OXR1: variants seen among roughly 807,000 people sequenced by gnomAD.
The protein encoded by OXR1 is oxidation resistance 1.
OXR1 carries 41 observed loss-of-function variants against 104.6 expected under a neutral mutation model. The observed-to-expected ratio is 0.39, with a 90% CI of 0.31 to 0.51. OXR1 has a LOEUF of 0.51. Ranked by LOEUF, OXR1 falls within the 20% of genes least tolerant of loss-of-function variation. The pLI, the probability that OXR1 is intolerant of heterozygous loss-of-function variation, is 0.77. For synonymous variants in OXR1, 348 were observed against 348.4 expected (o/e 1.00, Z 0.01); for missense variants, 955 against 1,031.9 (o/e 0.93, Z 1.02).
chr8:106,687,884 G>A (rs1487162467), intron 6 of OXR1, among the ~76,000 whole-genome samples: 1 of 152,112 alleles, frequency 6.6e-6, no homozygotes, highest in Non-Finnish European at 1.5e-5. Flanking sequence ...GATGGGCTTG[G>A]TTCGGAGCCC....
rs186716615 is a variant in OXR1 at position 106,390,576 on chromosome 8, C to T, written c.23+30940C>T. 1.4e-3 allele frequency among the ~76,000 whole-genome samples: 216 copies of T among 152,286 alleles called. 1 individual carries two copies. Among genetic ancestry groups the T allele is most frequent in the African/African-American group, 5.0e-3 (209 of 41,544 alleles). On this transcript the variant is annotated intron_variant, in intron 2 of 16. Coordinates refer to ENST00000517566, the MANE Select transcript of OXR1 (RefSeq NM_001198533.2). Reference sequence around the variant, plus strand: ...GAAAGTATCAGAACAACGCTTCAAACCCAGGCAACTTGGCTTTAGTTGCAG... The same window carrying T: ...GAAAGTATCAGAACAACGCTTCAAATCCAGGCAACTTGGCTTTAGTTGCAG...
intron 1 of OXR1, among the ~76,000 whole-genome samples, chr8:106,334,286 A>G (rs1202590811): frequency 1.3e-5 from 2 of 152,182 alleles, no homozygotes; most frequent in African/African-American, 4.8e-5. Flanking sequence ...TGGAAATACA[A>G]CTGAACTTTG....
intron 2 of OXR1, among the ~76,000 whole-genome samples, chr8:106,380,961 T>C (rs2130408150): frequency 6.6e-6 from 1 of 152,262 alleles, no homozygotes; most frequent in Non-Finnish European, 1.5e-5. Flanking sequence ...GATAAAAATA[T>C]TAATTTTCTT....
At chr8:106,460,600 A>T (rs1390472021) in intron 2 of OXR1, among the ~76,000 whole-genome samples, 1 of 152,196 alleles carries the variant, frequency 6.6e-6, no homozygotes, top group Non-Finnish European at 1.5e-5. Flanking sequence ...AACCAGGTTC[A>T]CTGCTGGTGA....
intron 3 of OXR1, among the ~76,000 whole-genome samples, chr8:106,538,838 G>A (rs180948353): frequency 6.2e-4 from 95 of 152,110 alleles, no homozygotes; most frequent in African/African-American, 2.3e-3. Context: ...TTCAACGTGG[G>A]GAAAAGGAAA....
intron 2 of OXR1, among the ~76,000 whole-genome samples, chr8:106,390,461 G>A (rs11986170): frequency 6.6e-6 from 1 of 151,922 alleles, no homozygotes; most frequent in African/African-American, 2.4e-5. Flanking sequence ...TCATAACACC[G>A]TTAAGAGATG....
At chr8:106,354,454 T>G (rs1400310732) in intron 1 of OXR1, among the ~76,000 whole-genome samples, 1 of 152,172 alleles carries the variant, frequency 6.6e-6, no homozygotes, top group African/African-American at 2.4e-5. Context: ...CCTCATTACC[T>G]GCACAGTACA....
chr8:106,338,351 G>A (rs1221387390), intron 1 of OXR1, among the ~76,000 whole-genome samples: 3 of 151,940 alleles, frequency 2.0e-5, no homozygotes, highest in Admixed American at 1.3e-4. Flanking sequence ...CGGGGTGGGC[G>A]GATCACCTGA....
chr8:106,708,256 C>T (rs1284927495), intron 9 of OXR1, among the ~76,000 whole-genome samples: 1 of 151,924 alleles, frequency 6.6e-6, no homozygotes, highest in Non-Finnish European at 1.5e-5. Flanking sequence ...ATTCGTCAGA[C>T]ATGGTGATGG....
At position 106,692,736 on chromosome 8, in the gene OXR1, T is replaced by C. The variant is rs936571567; in HGVS notation, c.534T>C (p.Asp178=). The stretch of plus-strand genomic sequence containing the variant: ...TTAAAAAAAAAAAAAAGAATCCTGA[T>C]GTCCATCCAACAGAAGCAACTCCCT... ...EAEFDKTTNP[D]VHPTEATPSS... Residue 178 remains aspartate (D), a synonymous_variant, in exon 7 of 17, where the codon GAT becomes GAC. Coordinates refer to ENST00000517566, the MANE Select transcript of OXR1 (RefSeq NM_001198533.2). 11 of 1,468,084 alleles carry C rather than the reference T, an allele frequency of 7.5e-6. No individual in the cohort carries two copies. The highest frequency in any genetic ancestry group is 1.4e-5 in the African/African-American group (1 of 69,632). 90.9% of individuals were successfully genotyped at this position (1,468,084 alleles called of 1,614,324 possible). A position where few individuals can be genotyped will look rare whatever the true frequency, so the allele number is the denominator to read the frequency against.
At chr8:106,384,629 C>A (rs950794472) in intron 2 of OXR1, among the ~76,000 whole-genome samples, 2 of 152,002 alleles carry the variant, frequency 1.3e-5, no homozygotes, top group African/African-American at 4.8e-5. Context: ...CTTTTATTTT[C>A]TTTTCTCTAT....
intron 3 of OXR1, among the ~76,000 whole-genome samples, chr8:106,543,588 G>C (rs1346716679): frequency 6.6e-6 from 1 of 152,144 alleles, no homozygotes; most frequent in East Asian, 1.9e-4. Flanking sequence ...GGTTTGCTTA[G>C]GAAAACTGAA....
intron 3 of OXR1, among the ~76,000 whole-genome samples, chr8:106,608,041 G>A (rs1257257676): frequency 6.6e-6 from 1 of 152,118 alleles, no homozygotes; most frequent in Non-Finnish European, 1.5e-5. Context: ...CAGCACTTTG[G>A]GAGGCCAAGG....
chr8:106,397,732 C>G (rs1817838567), intron 2 of OXR1, among the ~76,000 whole-genome samples: 1 of 151,852 alleles, frequency 6.6e-6, no homozygotes, highest in Non-Finnish European at 1.5e-5. Flanking sequence ...CAACATGACC[C>G]AAGTAGGAGA....
chr8:106,525,685 CTAACAGGTG>C (rs955881753), intron 3 of OXR1, among the ~76,000 whole-genome samples: 2 of 152,216 alleles, frequency 1.3e-5, no homozygotes, highest in Non-Finnish European at 2.9e-5. Context: ...GGCTCCTCGG[CTAACAGGTG>C]TTTGAATAAT....
At chr8:106,616,245 T>G (rs1174711639) in intron 3 of OXR1, among the ~76,000 whole-genome samples, 1 of 130,244 alleles carries the variant, frequency 7.7e-6, no homozygotes, top group Non-Finnish European at 1.6e-5. Context: ...TTTTTTTTTG[T>G]AGAGACAGGG....
At chr8:106,721,797 T>C (rs1000356256) in intron 11 of OXR1, among the ~76,000 whole-genome samples, 1 of 152,236 alleles carries the variant, frequency 6.6e-6, no homozygotes, top group African/African-American at 2.4e-5. Flanking sequence ...TATTTAGTGC[T>C]GTCCCTTTTA....
At chr8:106,666,843 G>A (rs917046072) in intron 3 of OXR1, among the ~76,000 whole-genome samples, 3 of 152,074 alleles carry the variant, frequency 2.0e-5, no homozygotes, top group South Asian at 2.1e-4. Flanking sequence ...GCTGAAACTC[G>A]GTTTTATAAG....
At chr8:106,575,985 AACACAC>A (rs35038334) in intron 3 of OXR1, among the ~76,000 whole-genome samples, 3,749 of 144,394 alleles carry the variant, frequency 0.026, 65 homozygotes, top group Admixed American at 0.051. Flanking sequence ...AAATGTTTAT[AACACAC>A]ACACACACAC....
Sources: gnomAD v4.1 joint callset for allele counts (sites outside exome capture counted in the v4.1 genomes callset) on GRCh38, gnomAD v4.1.1 for gene constraint, MANE v1.5 for transcripts, NCBI Gene and HGNC (gene_info 2026-07-23, HGNC 2026-07-21) for gene names.